FAM135A: variants seen among roughly 807,000 people sequenced by gnomAD.
The protein encoded by FAM135A is protein FAM135A.
In FAM135A, 79 loss-of-function variants were observed where a neutral mutation model predicts 146.8. That is an observed-to-expected ratio of 0.54 (90% CI 0.45 to 0.65). The LOEUF (loss-of-function observed/expected upper bound fraction) is 0.65. FAM135A is among the 30% of genes least tolerant of loss of function. FAM135A has a pLI of 0.00. For synonymous variants in FAM135A, 562 were observed against 603.6 expected (o/e 0.93, Z 1.01); for missense variants, 1,623 against 1,758.2 (o/e 0.92, Z 1.38).
chr6:70,465,100 A>G (rs1756944465), intron 5 of FAM135A, among the ~76,000 whole-genome samples: 1 of 152,006 alleles, frequency 6.6e-6, no homozygotes, highest in Admixed American at 6.6e-5. Flanking sequence ...TGACTGCTTT[A>G]TATACCTCAT....
At chr6:70,540,491 A>C (rs1012859787) in intron 20 of FAM135A, among the ~76,000 whole-genome samples, 1 of 151,448 alleles carries the variant, frequency 6.6e-6, no homozygotes, top group Non-Finnish European at 1.5e-5. Flanking sequence ...CGCCCAGCTA[A>C]TTTTTTGTAT....
At chr6:70,458,100 G>A (rs529210068) in intron 5 of FAM135A, among the ~76,000 whole-genome samples, 42 of 149,946 alleles carry the variant, frequency 2.8e-4, no homozygotes, top group Admixed American at 1.7e-3. Context: ...TATATAATAT[G>A]TGAAAATCTC....
intron 12 of FAM135A, among the ~76,000 whole-genome samples, chr6:70,514,751 C>A (rs1270039692): frequency 6.6e-6 from 1 of 152,140 alleles, no homozygotes; most frequent in Non-Finnish European, 1.5e-5. Context: ...GTTAAAAACT[C>A]CTGGCAGGGG....
At chr6:70,492,759 G>A (rs1331235704) in intron 11 of FAM135A, among the ~76,000 whole-genome samples, 2 of 151,620 alleles carry the variant, frequency 1.3e-5, no homozygotes, top group African/African-American at 2.4e-5. Context: ...TGGAAACCAG[G>A]GGAATGCAGA....
At chr6:70,477,786 C>T (rs191742540) in intron 8 of FAM135A, among the ~76,000 whole-genome samples, 58 of 152,162 alleles carry the variant, frequency 3.8e-4, no homozygotes, top group African/African-American at 1.3e-3. Context: ...ATAGTGAAAA[C>T]GTGTACTTTG....
At chr6:70,484,326 T>G (rs907911017) in intron 10 of FAM135A, among the ~76,000 whole-genome samples, 2 of 152,172 alleles carry the variant, frequency 1.3e-5, no homozygotes, top group Admixed American at 1.3e-4. Context: ...AATATTAAAG[T>G]AGATTTAACA....
chr6:70,559,807 A>G lies in FAM135A; in HGVS notation c.4434A>G (p.Ala1478=), dbSNP rs751000213. The G allele has an allele frequency of 2.5e-6, 4 of 1,614,016 alleles. No homozygotes were observed. In the African/African-American group the frequency reaches 4.0e-5, roughly 16 times the overall value. Residue 1478 remains alanine, a synonymous_variant, in exon 22 of 22, where the codon GCA becomes GCG. Coordinates refer to ENST00000418814, the MANE Select transcript of FAM135A (RefSeq NM_001162529.3). The part of the protein sequence containing the change: ...CNLVRYNVIN[A]LPNTADSLIG... Reference sequence around the variant, plus strand: ...TGGTTCGCTATAATGTCATCAATGCATTGCCCAATACAGCTGATTCACTCA... The same window carrying G: ...TGGTTCGCTATAATGTCATCAATGCGTTGCCCAATACAGCTGATTCACTCA...
At chr6:70,446,106 G>C (rs1462864280) in intron 4 of FAM135A, among the ~76,000 whole-genome samples, 3 of 152,188 alleles carry the variant, frequency 2.0e-5, no homozygotes, top group Non-Finnish European at 2.9e-5. Context: ...CTGGCATTAA[G>C]GTCAGGTGTA....
intron 4 of FAM135A, 71 bp from the exon 5 acceptor site, chr6:70,452,421 A>T: frequency 9.2e-7 from 1 of 1,088,030 alleles, no homozygotes; most frequent in Non-Finnish European, 1.4e-6. Context: ...TATGGATACA[A>T]ATGTGGAAGT....
chr6:70,456,884 C>G (rs1778472159), intron 5 of FAM135A, among the ~76,000 whole-genome samples: 1 of 152,174 alleles, frequency 6.6e-6, no homozygotes, highest in South Asian at 2.1e-4. Flanking sequence ...ACTGTGCTTG[C>G]TGCTACTTGT....
At position 70,525,875 on chromosome 6, in the gene FAM135A, T is replaced by A; in HGVS notation, c.2791T>A (p.Ser931Thr). The A allele has an allele frequency of 6.2e-7, 1 of 1,612,700 alleles. No individual in the cohort carries two copies. Among genetic ancestry groups the A allele is most frequent in the Non-Finnish European group, 8.5e-7 (1 of 1,179,438 alleles). ...LQFVFSDEET[S>T]SDVKSSCSSK... ...ATTTGTTTTTTCAGATGAAGAGACTTCCAGTGATGTGAAAAGTAGTTGCAG... is the reference window on the plus strand; with the variant it reads ...ATTTGTTTTTTCAGATGAAGAGACTACCAGTGATGTGAAAAGTAGTTGCAG... The change falls in exon 15 of 22, where the codon TCC (serine) becomes ACC (threonine). Residue 931 changes from serine to threonine, a missense_variant. This residue lies in a region of FAM135A where 1,061 missense variants were observed against 1,113.8 expected (regional missense o/e 0.95). Transcript: ENST00000418814.
At chr6:70,425,163 A>G (rs1054853720) in intron 2 of FAM135A, among the ~76,000 whole-genome samples, 3 of 151,226 alleles carry the variant, frequency 2.0e-5, no homozygotes, top group African/African-American at 7.3e-5. Context: ...TCTGATGGCT[A>G]GTTAACTTTT....
intron 5 of FAM135A, among the ~76,000 whole-genome samples, chr6:70,458,459 A>G (rs1778798426): frequency 6.6e-6 from 1 of 152,094 alleles, no homozygotes; most frequent in South Asian, 2.1e-4. Context: ...AGCCTTTCCA[A>G]TAAAGTGGCT....
At chr6:70,509,317 C>T (rs1790481493) in intron 12 of FAM135A, among the ~76,000 whole-genome samples, 1 of 152,096 alleles carries the variant, frequency 6.6e-6, no homozygotes, top group African/African-American at 2.4e-5. Context: ...TGGAACTCTG[C>T]TTCTATGAGG....
intron 20 of FAM135A, among the ~76,000 whole-genome samples, chr6:70,543,883 A>G (rs1798372573): frequency 6.6e-6 from 1 of 152,210 alleles, no homozygotes; most frequent in South Asian, 2.1e-4. Context: ...TATTTGCCTT[A>G]TAGTGCGTGA....
intron 8 of FAM135A, among the ~76,000 whole-genome samples, chr6:70,479,947 T>C (rs1014177394): frequency 3.3e-5 from 5 of 152,166 alleles, no homozygotes; most frequent in Non-Finnish European, 4.4e-5. Flanking sequence ...TTACCACTTA[T>C]TTGAGACTCC....
chr6:70,537,875 C>G (rs1797072707), intron 19 of FAM135A, among the ~76,000 whole-genome samples: 1 of 152,182 alleles, frequency 6.6e-6, no homozygotes, highest in South Asian at 2.1e-4. Context: ...TGCAATTAGT[C>G]TATTATGTCA....
intron 4 of FAM135A, among the ~76,000 whole-genome samples, chr6:70,450,716 GT>G (rs546674936): frequency 3.2e-4 from 9 of 28,348 alleles, no homozygotes; most frequent in East Asian, 3.1e-3. Context: ...CCTTTTAGTT[GT>G]TTTTTTTTTT....
chr6:70,472,970 T>C (rs1781905748), intron 5 of FAM135A, among the ~76,000 whole-genome samples: 1 of 152,242 alleles, frequency 6.6e-6, no homozygotes, highest in Non-Finnish European at 1.5e-5. Context: ...GCTTCTCCGC[T>C]GTAACATTAC....
Sources: gnomAD v4.1 joint callset for allele counts (sites outside exome capture counted in the v4.1 genomes callset) on GRCh38, gnomAD v4.1.1 for gene constraint, gnomAD v4.1.1 regional missense constraint, MANE v1.5 for transcripts, NCBI Gene and HGNC (gene_info 2026-07-23, HGNC 2026-07-21) for gene names.